FMN1: variants seen among roughly 807,000 people sequenced by gnomAD.
FMN1 encodes the protein formin-1.
FMN1 carries 110 observed loss-of-function variants against 132.4 expected under a neutral mutation model. The ratio of observed to expected loss-of-function variants is 0.83; its 90% CI spans 0.71 to 0.97. The LOEUF is 0.97. Among genes scored for constraint, FMN1 ranks in the 50% least tolerant of loss-of-function variants. The pLI is 0.00. For missense variants in FMN1, 1,792 were observed against 1,705.3 expected, an observed-to-expected ratio of 1.05 and a Z score of -0.90; for synonymous variants, 722 against 651.7, an observed-to-expected ratio of 1.11 and a Z score of -1.64.
intron 6 of FMN1, among the ~76,000 whole-genome samples, chr15:33,014,497 C>G (rs1279530675): frequency 2.0e-5 from 3 of 152,096 alleles, no homozygotes; most frequent in African/African-American, 7.2e-5. Context: ...CACATTAGCC[C>G]CTAATGGAAG....
chr15:33,109,015 T>G (rs2039594340), intron 4 of FMN1, among the ~76,000 whole-genome samples: 3 of 152,016 alleles, frequency 2.0e-5, no homozygotes, highest in African/African-American at 4.8e-5. Context: ...TGCCTACAAT[T>G]AACCCAAGAA....
intron 5 of FMN1, among the ~76,000 whole-genome samples, chr15:33,073,920 G>A (rs1041931192): frequency 2.6e-5 from 4 of 151,964 alleles, no homozygotes; most frequent in South Asian, 2.1e-4. Context: ...TTCTAGAGAC[G>A]GGGTTTCACC....
intron 19 of FMN1, among the ~76,000 whole-genome samples, chr15:32,783,135 A>AAT (rs1449578140): frequency 2.0e-5 from 3 of 152,070 alleles, no homozygotes; most frequent in Non-Finnish European, 4.4e-5. Flanking sequence ...AAATCCATGT[A>AAT]CCTCCTGAAT....
chr15:32,878,216 C>T (rs1486014374), intron 16 of FMN1, among the ~76,000 whole-genome samples: 3 of 152,090 alleles, frequency 2.0e-5, no homozygotes, highest in Non-Finnish European at 2.9e-5. Context: ...TGTTGGAACA[C>T]AAAGAAGGCC....
At chr15:33,059,071 A>G (rs1379040077) in intron 6 of FMN1, among the ~76,000 whole-genome samples, 1 of 152,178 alleles carries the variant, frequency 6.6e-6, no homozygotes, top group African/African-American at 2.4e-5. Context: ...GCCTCTGATA[A>G]CCATCATTTT....
intron 17 of FMN1, among the ~76,000 whole-genome samples, chr15:32,845,324 TTAC>T (rs1221234207): frequency 6.6e-6 from 1 of 152,188 alleles, no homozygotes; most frequent in Non-Finnish European, 1.5e-5. Context: ...CTGCAATTCT[TTAC>T]TAATTACAAT....
At chr15:32,794,136 TAAAAC>T (rs1246865591) in intron 19 of FMN1, among the ~76,000 whole-genome samples, 2 of 149,670 alleles carry the variant, frequency 1.3e-5, no homozygotes, top group South Asian at 2.2e-4. Flanking sequence ...GTAATAGACT[TAAAAC>T]AAAAACCCTA....
At chr15:32,777,589 T>TAACACTTTATATATTACGTATAACATAC (rs2056476421) in intron 19 of FMN1, among the ~76,000 whole-genome samples, 1 of 139,306 alleles carries the variant, frequency 7.2e-6, no homozygotes, top group African/African-American at 2.7e-5. Context: ...GTATAACATA[T>TAACACTTTATATATTACGTATAACATAC]AACACTTTAT....
chr15:33,118,452 G>A (rs767115978), intron 4 of FMN1, among the ~76,000 whole-genome samples: 31 of 152,040 alleles, frequency 2.0e-4, no homozygotes, highest in Non-Finnish European at 5.9e-5. Flanking sequence ...CAGAGAAATA[G>A]GAAAGTAAAA....
At chr15:33,052,847 T>C (rs887688178) in intron 6 of FMN1, among the ~76,000 whole-genome samples, 23 of 152,198 alleles carry the variant, frequency 1.5e-4, no homozygotes, top group Non-Finnish European at 2.9e-4. Context: ...TTTTCTACAC[T>C]GTCATGCCCA....
chr15:32,815,455 C>T (rs1197271471), intron 17 of FMN1, among the ~76,000 whole-genome samples: 6 of 151,876 alleles, frequency 4.0e-5, no homozygotes, highest in Non-Finnish European at 7.4e-5. Context: ...TATTTAGGGC[C>T]AATACTTCAT....
Position 32,910,455 on chromosome 15 carries a change from G to GT in FMN1, c.3288+18dup, listed in dbSNP as rs753597904. ...AGATAAATATGGAAATACTAGCTCT[G>GT]TAAGTCTTTGACACTCACGTTTTCA... On this transcript the variant is annotated intron_variant, in intron 11 of 20. Transcript: ENST00000616417. 4 of 1,547,578 alleles carry GT rather than the reference G, an allele frequency of 2.6e-6. No homozygotes were observed. The highest frequency in any genetic ancestry group is 1.8e-6 in the Non-Finnish European group (2 of 1,137,666).
At chr15:32,951,732 C>T (rs1373364487) in intron 9 of FMN1, among the ~76,000 whole-genome samples, 1 of 152,162 alleles carries the variant, frequency 6.6e-6, no homozygotes, top group Non-Finnish European at 1.5e-5. Context: ...TTGAAGCAGA[C>T]ATTAATATTA....
chr15:32,977,721 A>G lies in FMN1; in HGVS notation c.2224-8244T>C, dbSNP rs921571809. Among the ~76,000 whole-genome samples, 8 of 152,202 alleles carry G rather than the reference A, an allele frequency of 5.3e-5. No individual in the cohort carries two copies. The East Asian group carries it at 1.5e-3, about 29-fold the overall frequency. On this transcript the variant is annotated intron_variant, in intron 7 of 20. Coordinates refer to ENST00000616417, the MANE Select transcript of FMN1 (RefSeq NM_001277313.2). ...ACATCTCTATTCATAAAAGCTTCAT[A>G]AGAGCTTAAAGCATGGTATTATCTA... is the stretch of plus-strand genomic sequence containing the variant.
intron 6 of FMN1, among the ~76,000 whole-genome samples, chr15:33,037,615 A>G (rs762463229): frequency 6.6e-5 from 10 of 152,190 alleles, no homozygotes; most frequent in Non-Finnish European, 1.2e-4. Flanking sequence ...AAAGATAAAC[A>G]GCATTGACAC....
chr15:32,774,229 C>T lies in FMN1; in HGVS notation c.*81G>A, dbSNP rs2056340147. 7.4e-6 allele frequency: 8 copies of T among 1,082,500 alleles called. No homozygotes were observed. Among genetic ancestry groups the T allele is most frequent in the South Asian group, 1.4e-5 (1 of 70,288 alleles). 67.1% of individuals were successfully genotyped at this position (1,082,500 alleles called of 1,614,324 possible). On this transcript the variant is annotated 3_prime_UTR_variant, in exon 21 of 21. Coordinates refer to ENST00000616417, the MANE Select transcript of FMN1 (RefSeq NM_001277313.2). ...CATTTAGTGACACATCTTTCAAGAA[C>T]GTCCTGCAACCCTGTGGTCACAAAG... is the stretch of plus-strand genomic sequence containing the variant.
At chr15:33,051,765 G>A (rs1272318004) in intron 6 of FMN1, among the ~76,000 whole-genome samples, 2 of 152,156 alleles carry the variant, frequency 1.3e-5, no homozygotes, top group Non-Finnish European at 2.9e-5. Flanking sequence ...CCTCCCAAGT[G>A]CTGGCAGGCC....
At chr15:32,910,780 C>A (rs1355946516) in intron 10 of FMN1, among the ~76,000 whole-genome samples, 1 of 152,212 alleles carries the variant, frequency 6.6e-6, no homozygotes, top group Non-Finnish European at 1.5e-5. Context: ...GTCCTTTCTG[C>A]AGTTTAATTT....
At chr15:33,161,734 C>CG (rs1964900091) in intron 3 of FMN1, among the ~76,000 whole-genome samples, 1 of 151,960 alleles carries the variant, frequency 6.6e-6, no homozygotes, top group Non-Finnish European at 1.5e-5. Context: ...CTGGCCAACA[C>CG]GGTGAAACCC....
Sources: gnomAD v4.1 joint callset for allele counts (sites outside exome capture counted in the v4.1 genomes callset) on GRCh38, gnomAD v4.1.1 for gene constraint, MANE v1.5 for transcripts, NCBI Gene and HGNC (gene_info 2026-07-23, HGNC 2026-07-21) for gene names.